The following KIF27 variants were observed in gnomAD, a reference collection of about 807,000 sequenced individuals.
KIF27 encodes the protein kinesin family member 27.
In KIF27, 84 loss-of-function variants were observed where a neutral mutation model predicts 141.8. The observed-to-expected ratio is 0.59, with a 90% CI of 0.50 to 0.71. The LOEUF (loss-of-function observed/expected upper bound fraction) is 0.71. KIF27 is among the 30% of genes least tolerant of loss of function. The pLI, the probability that KIF27 is intolerant of heterozygous loss-of-function variation, is 0.00. For synonymous variants in KIF27, 471 were observed against 569.5 expected (o/e 0.83, Z 2.46); for missense variants, 1,306 against 1,628.4 (o/e 0.80, Z 3.41).
intron 8 of KIF27, among the ~76,000 whole-genome samples, chr9:83,887,738 CG>C (rs1279361578): frequency 1.3e-5 from 2 of 151,804 alleles, no homozygotes; most frequent in Admixed American, 6.6e-5. Flanking sequence ...TACATTCCGA[CG>C]TAAGTTTTTT....
chr9:83,882,462 A>C (rs1209627213), intron 10 of KIF27, among the ~76,000 whole-genome samples: 1 of 152,186 alleles, frequency 6.6e-6, no homozygotes, highest in East Asian at 1.9e-4. Flanking sequence ...CTTTCTTTCC[A>C]CATTTGTAAA....
intron 11 of KIF27, among the ~76,000 whole-genome samples, chr9:83,878,194 TACA>T (rs1175561350): frequency 2.6e-5 from 1 of 38,208 alleles, no homozygotes; most frequent in Non-Finnish European, 4.6e-5. Context: ...AAAAAAGAGA[TACA>T]ACGATACAAC....
chr9:83,844,381 C>G lies in KIF27; in HGVS notation c.3557-1980G>C, dbSNP rs933874852. Among the ~76,000 whole-genome samples, 23 of 94,586 alleles carry G rather than the reference C, an allele frequency of 2.4e-4. 1 individual carries two copies. The highest frequency in any genetic ancestry group is 1.2e-3 in the African/African-American group (22 of 18,108). The allele number at this position is 94,586 out of a possible 152,430, so 62.1% of individuals were successfully genotyped here. ...ATCTATATCTATATCTATATATCTC[C>G]TATTAGTTCTATCCCTCTAGAGAAC... On this transcript the variant is annotated intron_variant, in intron 16 of 17. Coordinates refer to ENST00000297814, the MANE Select transcript of KIF27 (RefSeq NM_017576.4).
At chr9:83,849,804 A>G (rs906698960) in intron 16 of KIF27, among the ~76,000 whole-genome samples, 35 of 152,342 alleles carry the variant, frequency 2.3e-4, no homozygotes, top group African/African-American at 7.2e-4. Context: ...AAAAGCCTGA[A>G]TCAATCCCAC....
At chr9:83,856,874 T>C (rs1949275131) in intron 14 of KIF27, among the ~76,000 whole-genome samples, 1 of 139,284 alleles carries the variant, frequency 7.2e-6, no homozygotes, top group African/African-American at 2.8e-5. Context: ...ACCACTGCAC[T>C]CCACCCTGAG....
At chr9:83,857,880 G>A (rs1949421986) in intron 14 of KIF27, among the ~76,000 whole-genome samples, 1 of 151,174 alleles carries the variant, frequency 6.6e-6, no homozygotes, top group African/African-American at 2.4e-5. Flanking sequence ...GATTTTCAAT[G>A]TCCTTCAGAG....
chr9:83,915,489 G>A lies in KIF27; in HGVS notation c.103C>T (p.Gln35Ter), dbSNP rs1344406739. Residue 35 changes from glutamine (Q) to a stop codon, truncating the protein, a stop_gained, in exon 2 of 18, where the codon CAG becomes TAG. Transcript: ENST00000297814. LOFTEE classifies it high-confidence loss of function. ...QVCVRVIPNS[Q>*]QVIIGRDRVF... ...CTATCTCTCCCAATGATAACTTGCT[G>A]GCTGTTTGGAATAACTCTCACACAA... 1 of 1,613,710 alleles carries A rather than the reference G, an allele frequency of 6.2e-7. No homozygotes were observed. Among genetic ancestry groups the A allele is most frequent in the African/African-American group, 1.3e-5 (1 of 74,878 alleles).
intron 13 of KIF27, among the ~76,000 whole-genome samples, chr9:83,861,966 A>G (rs1588056916): frequency 1.3e-5 from 2 of 152,230 alleles, no homozygotes; most frequent in Admixed American, 6.5e-5. Flanking sequence ...TGTTGGCTGC[A>G]TAAATGTCTT....
At chr9:83,890,137 A>G (rs995840032) in intron 6 of KIF27, among the ~76,000 whole-genome samples, 7 of 152,230 alleles carry the variant, frequency 4.6e-5, no homozygotes, top group South Asian at 2.1e-4. Context: ...AGTATCACAC[A>G]GTGTTTAGGA....
Position 83,871,022 on chromosome 9 carries a change from C to T in KIF27, c.2644-390G>A, listed in dbSNP as rs528773310. ...AGCTCCTGGGCTCAAGTAATCCTCTCACCTCAGCCTCCCAAGTAGCTAGGA... is the reference window on the plus strand; with the variant it reads ...AGCTCCTGGGCTCAAGTAATCCTCTTACCTCAGCCTCCCAAGTAGCTAGGA... On this transcript the variant is annotated intron_variant, in intron 11 of 17. Transcript: ENST00000297814. Among the ~76,000 whole-genome samples, 6 of 152,156 alleles carry T rather than the reference C, an allele frequency of 3.9e-5. No homozygotes were observed. In the East Asian group the frequency reaches 1.2e-3, roughly 29 times the overall value.
rs571027916 is a variant in KIF27 at position 83,905,660 on chromosome 9, G to C, written c.500-1642C>G. On this transcript the variant is annotated intron_variant, in intron 3 of 17. Coordinates refer to ENST00000297814, the MANE Select transcript of KIF27 (RefSeq NM_017576.4). Reference sequence around the variant, plus strand: ...GTAAAACTTTCATTAAATTTTTCCAGTGTTAGGCTATAAGTTAGCACTATG... The same window carrying C: ...GTAAAACTTTCATTAAATTTTTCCACTGTTAGGCTATAAGTTAGCACTATG... Among the ~76,000 whole-genome samples the C allele has an allele frequency of 2.6e-5, 4 of 152,210 alleles. No individual in the cohort carries two copies. In the South Asian group the frequency reaches 8.3e-4, roughly 32 times the overall value.
intron 5 of KIF27, among the ~76,000 whole-genome samples, chr9:83,891,895 G>C (rs545227854): frequency 2.0e-5 from 3 of 152,172 alleles, no homozygotes; most frequent in Non-Finnish European, 4.4e-5. Flanking sequence ...GTAGGCAGCA[G>C]AGTTTGCAGC....
intron 1 of KIF27, among the ~76,000 whole-genome samples, chr9:83,916,662 C>CTTTTT (rs34391682): frequency 1.6e-5 from 2 of 123,036 alleles, no homozygotes; most frequent in African/African-American, 3.1e-5. Flanking sequence ...ACAATGAACA[C>CTTTTT]TTTTTTTTTT....
intron 14 of KIF27, 41 bp from the exon 15 acceptor site, chr9:83,853,876 T>C: frequency 1.4e-6 from 2 of 1,405,926 alleles, no homozygotes; most frequent in Non-Finnish European, 2.0e-6. Flanking sequence ...TGAAATAGTA[T>C]AACTTTGACT....
intron 1 of KIF27, among the ~76,000 whole-genome samples, chr9:83,918,886 A>T (rs1955969810): frequency 6.6e-6 from 1 of 152,084 alleles, no homozygotes; most frequent in Admixed American, 6.6e-5. Context: ...GACCAGCCTG[A>T]ACAACATGGT....
intron 16 of KIF27, among the ~76,000 whole-genome samples, chr9:83,849,194 C>T (rs1331598879): frequency 6.6e-6 from 1 of 152,132 alleles, no homozygotes; most frequent in African/African-American, 2.4e-5. Context: ...ATTAAAATAT[C>T]AGTTTCAGAA....
chr9:83,858,646 T>C (rs1385472060), intron 14 of KIF27: 1 of 153,484 alleles, frequency 6.5e-6, no homozygotes, highest in African/African-American at 2.4e-5. Flanking sequence ...AAAAGGTCTT[T>C]TACTGGGATT....
chr9:83,847,318 A>C (rs936161578), intron 16 of KIF27, among the ~76,000 whole-genome samples: 6 of 152,208 alleles, frequency 3.9e-5, no homozygotes, highest in Non-Finnish European at 7.3e-5. Flanking sequence ...TACTAAGAAA[A>C]TATCTTCATT....
intron 5 of KIF27, among the ~76,000 whole-genome samples, chr9:83,894,009 G>A (rs902180424): frequency 6.6e-6 from 1 of 152,036 alleles, no homozygotes; most frequent in Non-Finnish European, 1.5e-5. Context: ...ACAAACTTAT[G>A]CCAATACATT....
Sources: allele counts gnomAD v4.1 joint callset (sites outside exome capture counted in the v4.1 genomes callset), GRCh38; gene constraint gnomAD v4.1.1; transcripts MANE v1.5; gene names NCBI Gene and HGNC (gene_info 2026-07-23, HGNC 2026-07-21).